Variants in SULT1E1 observed in about 807,000 individuals in gnomAD.
The protein encoded by SULT1E1 is sulfotransferase 1E1.
A neutral mutation model predicts 33.6 loss-of-function variants in SULT1E1; 36 were observed. The ratio of observed to expected loss-of-function variants is 1.07; its 90% CI spans 0.82 to 1.41. SULT1E1 has a LOEUF of 1.41. Among genes scored for constraint, SULT1E1 ranks in the 40% most tolerant of loss-of-function variants. The probability of loss-of-function intolerance (pLI) is 0.00; values close to 1 mark genes in which losing one functional copy is unlikely to be tolerated. For missense variants in SULT1E1, 371 were observed against 345.7 expected (o/e 1.07, Z -0.58); for synonymous variants, 121 against 111.7 (o/e 1.08, Z -0.53).
downstream of SULT1E1, chr4:69,838,534 A>T (rs1720832897): frequency 6.6e-6 from 1 of 152,206 alleles, no homozygotes; most frequent in Non-Finnish European, 1.5e-5. Context: ...GAGGTCTTTT[A>T]TGACGCTGTA....
At chr4:69,844,412 AAAATAAACC>A in intron 6 of SULT1E1, 71 bp from the exon 7 acceptor site, 1 of 1,203,076 alleles carries the variant, frequency 8.3e-7, no homozygotes, top group Non-Finnish European at 1.2e-6. Context: ...TGAAAGAGAA[AAAATAAACC>A]TTTCTCTTTT....
At position 69,857,527 on chromosome 4, in the gene SULT1E1, G is replaced by A; in HGVS notation, c.118C>T (p.Leu40Phe). ...VEAFQARPDD[L>F]VIATYPKSGT... ...GATTTAGGGTAGGTGGCAATGACAA[G>A]ATCATCTGGTCTTGCCTGGAACGCT... Residue 40 changes from leucine to phenylalanine, a missense_variant, in exon 2 of 8, where the codon CTT (leucine) becomes TTT (phenylalanine). Physicochemically the swap from Leu to Phe is conservative, Grantham distance 22 (BLOSUM62 0). Coordinates refer to ENST00000226444, the MANE Select transcript of SULT1E1 (RefSeq NM_005420.3). 1 of 1,606,916 alleles carries A rather than the reference G, an allele frequency of 6.2e-7. No homozygotes were observed. Among genetic ancestry groups the A allele is most frequent in the South Asian group, 1.1e-5 (1 of 89,234 alleles).
In SULT1E1 at chr4:69,841,942, A is replaced by G; in HGVS notation, c.*52T>C. 1.0e-6 allele frequency: 1 copy of G among 963,696 alleles called. No homozygotes were observed. Among genetic ancestry groups the G allele is most frequent in the Admixed American group, 2.3e-5 (1 of 42,636 alleles). The allele number at this position is 963,696 out of a possible 1,614,324, so 59.7% of individuals were successfully genotyped here. On this transcript the variant is annotated 3_prime_UTR_variant, in exon 8 of 8. Transcript: ENST00000226444. ...AATCTAAAATAAGAAAAAGTGGAGAATAATGAAAAGAAATCTTTAATATCA... is the reference window on the plus strand; with the variant it reads ...AATCTAAAATAAGAAAAAGTGGAGAGTAATGAAAAGAAATCTTTAATATCA...
intron 4 of SULT1E1, among the ~76,000 whole-genome samples, chr4:69,850,350 T>G (rs1721076233): frequency 6.6e-6 from 1 of 152,066 alleles, no homozygotes; most frequent in African/African-American, 2.4e-5. Flanking sequence ...GGGCTTCTAC[T>G]TAGGCCCTCA....
At chr4:69,842,385 C>T (rs565940548) in intron 7 of SULT1E1, among the ~76,000 whole-genome samples, 1 of 152,076 alleles carries the variant, frequency 6.6e-6, no homozygotes, top group African/African-American at 2.4e-5. Flanking sequence ...GCTGTTGGGG[C>T]TCCCAGGATA....
intron 5 of SULT1E1, 134 bp downstream of exon 5, chr4:69,849,303 G>T: frequency 9.8e-7 from 1 of 1,022,134 alleles, no homozygotes; most frequent in Non-Finnish European, 1.4e-6. Flanking sequence ...ACCTCCAGGC[G>T]CCTTTAGATT....
the SULT1E1 span, among the ~76,000 whole-genome samples, chr4:69,822,976 C>T: frequency 9.9e-5 from 15 of 152,102 alleles, no homozygotes; most frequent in Non-Finnish European, 1.5e-5. Context: ...CTGAGTATAT[C>T]CATAATTCCC....
the SULT1E1 span, among the ~76,000 whole-genome samples, chr4:69,823,218 G>T: frequency 6.6e-6 from 1 of 152,078 alleles, no homozygotes; most frequent in Non-Finnish European, 1.5e-5. Flanking sequence ...CAAGACAAAG[G>T]CACTTAATCA....
rs1239532057 is a variant in SULT1E1, at chr4:69,841,486, T to C, written c.*508A>G. On this transcript the variant is annotated 3_prime_UTR_variant, in exon 8 of 8. Coordinates refer to ENST00000226444, the MANE Select transcript of SULT1E1 (RefSeq NM_005420.3). ...ATCCCAGTATTTTGGGAGGCTGGTG[T>C]GGGAAGATCACTTGAGCTCAAGGGT... 6.6e-6 allele frequency: 1 copy of C among 152,598 alleles called. No individual in the cohort carries two copies. The highest frequency in any genetic ancestry group is 1.5e-5 in the Non-Finnish European group (1 of 68,470). The allele number at this position is 152,598 out of a possible 1,614,324, so 9.5% of individuals were successfully genotyped here.
At chr4:69,837,991 T>G (rs1720820106), downstream of SULT1E1, among the ~76,000 whole-genome samples, 1 of 152,228 alleles carries the variant, frequency 6.6e-6, no homozygotes, top group South Asian at 2.1e-4. Context: ...TTTTATTTCA[T>G]TTTGTATGAG....
chr4:69,837,782 T>G (rs72648478), downstream of SULT1E1, among the ~76,000 whole-genome samples: 9 of 152,098 alleles, frequency 5.9e-5, no homozygotes, highest in African/African-American at 2.2e-4. Flanking sequence ...CCTCCCACCT[T>G]GACCTCCCAA....
chr4:69,840,671 G>C (rs1280344502), downstream of SULT1E1, among the ~76,000 whole-genome samples: 2 of 152,104 alleles, frequency 1.3e-5, no homozygotes, highest in African/African-American at 4.8e-5. Context: ...ATTATTTTTG[G>C]ATGTTTGGAA....
At chr4:69,832,402 G>C in the SULT1E1 span, among the ~76,000 whole-genome samples, 5 of 152,204 alleles carry the variant, frequency 3.3e-5, no homozygotes, top group Non-Finnish European at 7.3e-5. Context: ...GAGGGCAAGA[G>C]AGACCTCGGA....
chr4:69,829,012 CA>C, the SULT1E1 span, among the ~76,000 whole-genome samples: 1 of 152,116 alleles, frequency 6.6e-6, no homozygotes, highest in Admixed American at 6.6e-5. Flanking sequence ...GAGTCTTGTC[CA>C]AGTGTACTGT....
chr4:69,857,371 T>C, intron 2 of SULT1E1, 129 bp downstream of exon 2: 1 of 1,162,464 alleles, frequency 8.6e-7, no homozygotes, highest in Non-Finnish European at 1.2e-6. Flanking sequence ...CTTTTCTATG[T>C]CCATATCAAA....
chr4:69,857,616 TTTTCATAATAG>T lies in SULT1E1; in HGVS notation c.18_28del (p.Asp6GlufsTer3), dbSNP rs1721270479. 1.9e-6 allele frequency: 3 copies of T among 1,606,398 alleles called. No homozygotes were observed. The African/African-American group carries it at 4.0e-5, about 22-fold the overall frequency. On this transcript the variant is annotated frameshift_variant, in exon 2 of 8. Coordinates refer to ENST00000226444, the MANE Select transcript of SULT1E1 (RefSeq NM_005420.3). LOFTEE classifies it high-confidence loss of function. ...TAGAATCCCATGGACTTCTTCAAAC[TTTTCATAATAG>T]TCAAGTTCAGAATTCATTGTGGTAC...
intron 2 of SULT1E1, among the ~76,000 whole-genome samples, chr4:69,856,612 G>A (rs1035448347): frequency 6.6e-6 from 1 of 152,136 alleles, no homozygotes; most frequent in Non-Finnish European, 1.5e-5. Context: ...CAATAGGGAA[G>A]AAAATAAAGA....
At chr4:69,848,572 C>T (rs1051337815) in intron 5 of SULT1E1, among the ~76,000 whole-genome samples, 1 of 151,836 alleles carries the variant, frequency 6.6e-6, no homozygotes, top group Non-Finnish European at 1.5e-5. Flanking sequence ...TTATTTCTCC[C>T]TTTGCAGTGA....
chr4:69,837,678 A>G (rs1720816134), downstream of SULT1E1, among the ~76,000 whole-genome samples: 1 of 152,168 alleles, frequency 6.6e-6, no homozygotes, highest in South Asian at 2.1e-4. Flanking sequence ...TATATGAAAA[A>G]TTACAAGAAT....
Sources: allele counts gnomAD v4.1 joint callset (sites outside exome capture counted in the v4.1 genomes callset), GRCh38; gene constraint gnomAD v4.1.1; transcripts MANE v1.5; gene names NCBI Gene and HGNC (gene_info 2026-07-23, HGNC 2026-07-21).